Variants in EXO1 observed in about 807,000 individuals in gnomAD.
EXO1 encodes exonuclease 1.
In EXO1, 69 loss-of-function variants were observed where a neutral mutation model predicts 84.5. The ratio of observed to expected loss-of-function variants is 0.82; its 90% CI spans 0.67 to 1.00. EXO1 has a LOEUF of 1.00. EXO1 is among the 50% of genes least tolerant of loss of function. The pLI is 0.00. For synonymous variants in EXO1, 373 were observed against 366.1 expected, an observed-to-expected ratio of 1.02 and a Z score of -0.21; for missense variants, 1,045 against 1,000.7, an observed-to-expected ratio of 1.04 and a Z score of -0.60.
rs371763760 is a variant in EXO1, at chr1:241,853,423, G to A, written c.347G>A (p.Arg116Gln). ...LLREGKVSEA[R>Q]ECFTRSINIT... ...CGTGAGGGGAAAGTCTCGGAAGCTCGAGAGTGTTTCACCCGGTCTATCAAT... is the reference window on the plus strand; with the variant it reads ...CGTGAGGGGAAAGTCTCGGAAGCTCAAGAGTGTTTCACCCGGTCTATCAAT... Residue 116 changes from arginine (R) to glutamine (Q), a missense_variant, in exon 6 of 16, where the codon CGA becomes CAA. By Grantham distance (43) the Arg-to-Gln change is conservative (BLOSUM62 1). Transcript: ENST00000366548. The A allele has an allele frequency of 2.9e-5, 46 of 1,613,824 alleles. No homozygotes were observed. Among genetic ancestry groups the A allele is most frequent in the Non-Finnish European group, 3.6e-5 (43 of 1,179,908 alleles).
intron 10 of EXO1, among the ~76,000 whole-genome samples, chr1:241,862,214 A>T (rs1026548849): frequency 1.3e-5 from 2 of 152,216 alleles, no homozygotes; most frequent in African/African-American, 2.4e-5. Context: ...CTGGGATTAC[A>T]GGCGTGAGCC....
In EXO1 at chr1:241,852,427, A is replaced by G. The variant is rs1223610273; in HGVS notation, c.281+16A>G. The G allele has an allele frequency of 6.3e-7, 1 of 1,591,792 alleles. No individual in the cohort carries two copies. The highest frequency in any genetic ancestry group is 1.1e-5 in the South Asian group (1 of 90,596). Reference sequence around the variant, plus strand: ...CTAGAAGAGAGTAAGTTAATTCTCTACTTAATCTCTAACTTCATTGCACTA... The same window carrying G: ...CTAGAAGAGAGTAAGTTAATTCTCTGCTTAATCTCTAACTTCATTGCACTA... On this transcript the variant is annotated intron_variant, in intron 5 of 15. Coordinates refer to ENST00000366548, the MANE Select transcript of EXO1 (RefSeq NM_130398.4).
intron 4 of EXO1, among the ~76,000 whole-genome samples, chr1:241,851,009 A>G (rs532661829): frequency 2.2e-4 from 33 of 151,980 alleles, no homozygotes; most frequent in Non-Finnish European, 3.7e-4. Flanking sequence ...TAATTTTTGT[A>G]TATTTATTAG....
chr1:241,886,499 G>A (rs1035894810), intron 15 of EXO1, among the ~76,000 whole-genome samples: 2 of 152,230 alleles, frequency 1.3e-5, no homozygotes, highest in African/African-American at 4.8e-5. Context: ...CATAGATGAG[G>A]CGGTATGAGT....
Position 241,860,272 on chromosome 1 carries a change from T to G in EXO1, c.757-245T>G, listed in dbSNP as rs559954353. 8.1e-4 allele frequency among the ~76,000 whole-genome samples: 115 copies of G among 142,744 alleles called. 1 individual carries two copies. The highest frequency in any genetic ancestry group is 3.0e-3 in the African/African-American group (110 of 37,026). 93.6% of individuals were successfully genotyped at this position (142,744 alleles called of 152,430 possible). A position where few individuals can be genotyped will look rare whatever the true frequency, so the allele number is the denominator to read the frequency against. Reference sequence around the variant, plus strand: ...GTTACACCTAGAAGCACAAACTTGATGTACTATATAACTGTATTTTTTTAT... The same window carrying G: ...GTTACACCTAGAAGCACAAACTTGAGGTACTATATAACTGTATTTTTTTAT... On this transcript the variant is annotated intron_variant, in intron 8 of 15. Coordinates refer to ENST00000366548, the MANE Select transcript of EXO1 (RefSeq NM_130398.4).
chr1:241,857,362 G>C lies in EXO1; in HGVS notation c.423G>C (p.Gly141=), dbSNP rs767372227. The C allele has an allele frequency of 6.2e-7, 1 of 1,613,902 alleles. No individual in the cohort carries two copies. Among genetic ancestry groups the C allele is most frequent in the Non-Finnish European group, 8.5e-7 (1 of 1,179,886 alleles). Residue 141 remains glycine, a synonymous_variant, in exon 7 of 16, where the codon GGG becomes GGC. Transcript: ENST00000366548. ...TCTTCTAGGCTGCCCGGTCTCAGGG[G>C]GTAGATTGCCTCGTGGCTCCCTATG... ...HKVIKAARSQ[G]VDCLVAPYEA...
chr1:241,860,580 G>A lies in EXO1; in HGVS notation c.820G>A (p.Gly274Arg), dbSNP rs149397534. The A allele has an allele frequency of 2.4e-3, 3,847 of 1,613,854 alleles. 4 individuals are homozygous for A. The highest frequency in any genetic ancestry group is 2.9e-3 in the Admixed American group (175 of 60,018). The change falls in exon 9 of 16, where the codon GGG becomes AGG. Residue 274 changes from glycine to arginine, a missense_variant. Coordinates refer to ENST00000366548, the MANE Select transcript of EXO1 (RefSeq NM_130398.4). ...NITVPEDYIN[G>R]FIRANNTFLY... ...CACGGTACCAGAGGATTACATCAAC[G>A]GGTTTATTCGGGCCAACAATACCTT...
chr1:241,856,090 C>G (rs1443134558), intron 6 of EXO1, among the ~76,000 whole-genome samples: 1 of 152,174 alleles, frequency 6.6e-6, no homozygotes, highest in Non-Finnish European at 1.5e-5. Context: ...AGAGGAGGCG[C>G]CGAGAGCGAG....
rs1183166008 is a variant in EXO1 at position 241,857,451 on chromosome 1, A to G, written c.512A>G (p.Asp171Gly). ...ATTGTGCAAGCCATAATTACAGAGGACTCGGATCTCCTAGCTTTTGGCTGT... is the reference window on the plus strand; with the variant it reads ...ATTGTGCAAGCCATAATTACAGAGGGCTCGGATCTCCTAGCTTTTGGCTGT... ...AGIVQAIITE[D>G]SDLLAFGCKK... The change falls in exon 7 of 16, where the codon GAC becomes GGC. Residue 171 changes from aspartate to glycine, a missense_variant. Physicochemically the swap from Asp to Gly is moderately conservative, Grantham distance 94 (BLOSUM62 -1). Transcript: ENST00000366548. 1 of 1,613,728 alleles carries G rather than the reference A, an allele frequency of 6.2e-7. No homozygotes were observed.
intron 13 of EXO1, 77 bp from the exon 14 acceptor site, chr1:241,881,839 T>G: frequency 1.4e-6 from 1 of 707,422 alleles, no homozygotes; most frequent in South Asian, 1.7e-5. Context: ...TCCATTTTGT[T>G]GAATATTAGT....
intron 12 of EXO1, among the ~76,000 whole-genome samples, chr1:241,875,734 C>T (rs1776142): frequency 1 from 152,061 of 152,286 alleles, 75,918 homozygotes; most frequent in South Asian, 1. Context: ...AAAAATTAGC[C>T]GGGCGTGGTG....
chr1:241,848,176 G>T (rs1229191749), upstream of EXO1: 3 of 152,442 alleles, frequency 2.0e-5, no homozygotes, highest in Middle Eastern at 0.01. This position sits in a 1 kb window ranked among gnomAD's most constrained non-coding sequence, Gnocchi z 4.2. Flanking sequence ...GGGCGGGGCC[G>T]CAAGGAACCC....
At chr1:241,857,957 A>G (rs1661159992) in intron 7 of EXO1, among the ~76,000 whole-genome samples, 1 of 152,232 alleles carries the variant, frequency 6.6e-6, no homozygotes, top group African/African-American at 2.4e-5. Flanking sequence ...TTAGGGGAGA[A>G]TTAAGATACA....
chr1:241,867,116 C>A, intron 11 of EXO1, 61 bp downstream of exon 11: 1 of 1,259,758 alleles, frequency 7.9e-7, no homozygotes, highest in Non-Finnish European at 1.2e-6. Context: ...GAAATCATTG[C>A]CCAACGCAAA....
At chr1:241,850,611 C>CT (rs758481377) in intron 4 of EXO1, 25 bp downstream of exon 4, 5 of 1,602,734 alleles carry the variant, frequency 3.1e-6, no homozygotes, top group African/African-American at 1.3e-5. Flanking sequence ...TATGTTAATT[C>CT]TTTGACAATT....
At chr1:241,862,435 C>T (rs1449699841) in intron 10 of EXO1, among the ~76,000 whole-genome samples, 1 of 152,196 alleles carries the variant, frequency 6.6e-6, no homozygotes, top group East Asian at 1.9e-4. Flanking sequence ...TCCAGTCTCT[C>T]GCCTGTGCAC....
At chr1:241,858,067 T>C (rs1266294421) in intron 7 of EXO1, among the ~76,000 whole-genome samples, 1 of 152,234 alleles carries the variant, frequency 6.6e-6, no homozygotes, top group Non-Finnish European at 1.5e-5. Flanking sequence ...AATGAGGGAA[T>C]AGGGATGACT....
intron 14 of EXO1, among the ~76,000 whole-genome samples, chr1:241,882,234 T>C (rs1477648139): frequency 6.6e-6 from 1 of 152,230 alleles, no homozygotes; most frequent in African/African-American, 2.4e-5. Context: ...CAAGTACTTT[T>C]AGTCATTAAT....
At chr1:241,888,259 A>T (rs1016325099) in intron 15 of EXO1, among the ~76,000 whole-genome samples, 3 of 152,204 alleles carry the variant, frequency 2.0e-5, no homozygotes, top group African/African-American at 7.2e-5. Flanking sequence ...TTTAAAAAAA[A>T]ATGTAAAGTA....
Sources: allele counts gnomAD v4.1 joint callset (sites outside exome capture counted in the v4.1 genomes callset), GRCh38; gene constraint gnomAD v4.1.1; non-coding constraint Gnocchi (gnomAD v3.1); transcripts MANE v1.5; gene names NCBI Gene and HGNC (gene_info 2026-07-23, HGNC 2026-07-21).